Variants in PAX5 observed in about 807,000 individuals in gnomAD.
The protein encoded by PAX5 is paired box protein Pax-5.
A neutral mutation model predicts 43.7 loss-of-function variants in PAX5; 9 were observed. The observed-to-expected ratio is 0.21, with a 90% CI of 0.12 to 0.36. The LOEUF (loss-of-function observed/expected upper bound fraction) is 0.36. PAX5 is among the 10% of genes least tolerant of loss of function. The pLI is 1.00. For missense variants in PAX5, 383 were observed against 532.7 expected (o/e 0.72, Z 2.77); for synonymous variants, 228 against 214.3 (o/e 1.06, Z -0.56).
intron 5 of PAX5, among the ~76,000 whole-genome samples, chr9:36,977,990 C>T (rs1252212839): frequency 6.6e-6 from 1 of 152,326 alleles, no homozygotes; most frequent in South Asian, 2.1e-4. Context: ...AGGCTCTTCC[C>T]TCTCTGTCGA....
intron 5 of PAX5, among the ~76,000 whole-genome samples, chr9:36,997,761 C>T (rs1301608854): frequency 6.6e-6 from 1 of 152,246 alleles, no homozygotes; most frequent in Admixed American, 6.5e-5. Flanking sequence ...GCAGGCCTCC[C>T]AGGCATCCGT....
chr9:37,025,717 C>T lies in PAX5; in HGVS notation c.47-4916G>A, dbSNP rs560173406. 5.3e-5 allele frequency among the ~76,000 whole-genome samples: 8 copies of T among 152,360 alleles called. No individual in the cohort carries two copies. In the East Asian group the frequency reaches 1.4e-3, roughly 26 times the overall value. ...GGCAGGATCCCTGCGGGCCAGGCAG[C>T]CAGGCCGGCCTTGCCCTCGCCCTAA... On this transcript the variant is annotated intron_variant, in intron 1 of 9. Transcript: ENST00000358127.
chr9:36,859,916 T>C (rs1824036319), intron 8 of PAX5, among the ~76,000 whole-genome samples: 1 of 151,942 alleles, frequency 6.6e-6, no homozygotes, highest in Admixed American at 6.6e-5. Flanking sequence ...GCACCTGTAG[T>C]CCCAGCTACT....
chr9:36,942,269 G>A (rs1182941205), intron 6 of PAX5, among the ~76,000 whole-genome samples: 2 of 152,238 alleles, frequency 1.3e-5, no homozygotes, highest in Admixed American at 6.5e-5. Context: ...GGAAAGACTT[G>A]ATCAAGGGGA....
chr9:36,954,624 CT>C (rs1833302466), intron 6 of PAX5, among the ~76,000 whole-genome samples: 1 of 152,122 alleles, frequency 6.6e-6, no homozygotes, highest in Non-Finnish European at 1.5e-5. Context: ...TCTCTGGTTG[CT>C]TTCATAATTT....
Position 36,838,095 on chromosome 9 carries a change from C to T in PAX5, c.*2465G>A, listed in dbSNP as rs1317567115. The T allele has an allele frequency of 8.6e-6, 2 of 233,218 alleles. No homozygotes were observed. The highest frequency in any genetic ancestry group is 1.7e-5 in the Non-Finnish European group (2 of 118,082). 14.4% of individuals were successfully genotyped at this position (233,218 alleles called of 1,614,324 possible). A position where few individuals can be genotyped will look rare whatever the true frequency, so the allele number is the denominator to read the frequency against. On this transcript the variant is annotated 3_prime_UTR_variant, in exon 10 of 10. Coordinates refer to ENST00000358127, the MANE Select transcript of PAX5 (RefSeq NM_016734.3). ...AGGTAACATACCTTCTCCTACCTTA[C>T]CTGACAGGTGGAAGCTGCAGCCAGC...
At chr9:37,003,154 T>TAAAAAAAAAAAAAAAAAAAAA (rs67081521) in intron 4 of PAX5, among the ~76,000 whole-genome samples, 2 of 75,830 alleles carry the variant, frequency 2.6e-5, no homozygotes, top group East Asian at 9.0e-4. Context: ...AGTCAGTGCT[T>TAAAAAAAAAAAAAAAAAAAAA]AAAAAAAAAA....
rs538638605 is a variant in PAX5, at chr9:37,022,094, C to T, written c.47-1293G>A. On this transcript the variant is annotated intron_variant, in intron 1 of 9. Coordinates refer to ENST00000358127, the MANE Select transcript of PAX5 (RefSeq NM_016734.3). The stretch of plus-strand genomic sequence containing the variant: ...AAACCCCCATAATATAATGTATTTC[C>T]TAAAAACTGTCCAAGCAATCCACTC... Among the ~76,000 whole-genome samples the T allele has an allele frequency of 3.3e-5, 5 of 152,216 alleles. No individual in the cohort carries two copies. The South Asian group carries it at 1.0e-3, about 32-fold the overall frequency.
chr9:36,841,675 G>A (rs1187700305), intron 9 of PAX5, among the ~76,000 whole-genome samples: 1 of 152,218 alleles, frequency 6.6e-6, no homozygotes, highest in African/African-American at 2.4e-5. Flanking sequence ...GATTGGACAT[G>A]TAAATGAACC....
Position 36,914,276 on chromosome 9 carries a change from C to T in PAX5, c.910+9079G>A, listed in dbSNP as rs369981031. 1.3e-4 allele frequency among the ~76,000 whole-genome samples: 20 copies of T among 152,314 alleles called. No individual in the cohort carries two copies. In the East Asian group the frequency reaches 2.1e-3, roughly 16 times the overall value. On this transcript the variant is annotated intron_variant, in intron 7 of 9. Transcript: ENST00000358127. Reference sequence around the variant, plus strand: ...TTGCAATTTCCATGGTTTTAATATACACTGAATTTTCTAGGAATGCAACTA... The same window carrying T: ...TTGCAATTTCCATGGTTTTAATATATACTGAATTTTCTAGGAATGCAACTA...
chr9:36,876,151 C>A (rs1490573790), intron 8 of PAX5, among the ~76,000 whole-genome samples: 1 of 152,192 alleles, frequency 6.6e-6, no homozygotes, highest in East Asian at 1.9e-4. Context: ...CCCTCTCACT[C>A]CCCCTGTGGT....
At chr9:36,987,395 A>T (rs1402992134) in intron 5 of PAX5, among the ~76,000 whole-genome samples, 1 of 152,232 alleles carries the variant, frequency 6.6e-6, no homozygotes, top group Admixed American at 6.5e-5. Flanking sequence ...ATGTGAGATG[A>T]ACTACAATGA....
intron 9 of PAX5, among the ~76,000 whole-genome samples, chr9:36,840,856 C>T (rs1821991974): frequency 6.6e-6 from 1 of 152,166 alleles, no homozygotes. Flanking sequence ...GGGTCCGGAG[C>T]CTGGGGCCCT....
At chr9:37,002,529 C>T in intron 5 of PAX5, 119 bp downstream of exon 5, 3 of 1,086,822 alleles carry the variant, frequency 2.8e-6, no homozygotes, top group Non-Finnish European at 2.6e-6. Flanking sequence ...GGCCGGGGGA[C>T]TCGCTCCTCT....
chr9:36,907,174 C>T (rs1219158611), intron 7 of PAX5, among the ~76,000 whole-genome samples: 1 of 152,174 alleles, frequency 6.6e-6, no homozygotes, highest in African/African-American at 2.4e-5. Flanking sequence ...TTAACTATTA[C>T]TTGGGACCAA....
chr9:36,957,612 T>G (rs746869212), intron 6 of PAX5, among the ~76,000 whole-genome samples: 1 of 152,178 alleles, frequency 6.6e-6, no homozygotes, highest in Non-Finnish European at 1.5e-5. Flanking sequence ...CCAGGGGACA[T>G]GTGGGGAAGC....
chr9:36,944,016 T>G (rs1344870498), intron 6 of PAX5, among the ~76,000 whole-genome samples: 2 of 151,980 alleles, frequency 1.3e-5, no homozygotes, highest in South Asian at 4.2e-4. Context: ...CAAGACTCCA[T>G]CCCTACAAAA....
chr9:37,002,930 T>C (rs1838032774), intron 4 of PAX5, 154 bp from the exon 5 acceptor site: 2 of 879,908 alleles, frequency 2.3e-6, no homozygotes, highest in East Asian at 5.6e-5. Flanking sequence ...CGGCCACACC[T>C]GAGCCACGAG....
intron 8 of PAX5, among the ~76,000 whole-genome samples, chr9:36,861,690 G>A (rs1361970718): frequency 6.6e-6 from 1 of 151,876 alleles, no homozygotes; most frequent in African/African-American, 2.4e-5. Context: ...TGTGTGGCTA[G>A]GACAGCCAGG....
Sources: allele counts gnomAD v4.1 joint callset (sites outside exome capture counted in the v4.1 genomes callset), GRCh38; gene constraint gnomAD v4.1.1; transcripts MANE v1.5; gene names NCBI Gene and HGNC (gene_info 2026-07-23, HGNC 2026-07-21).